HTR7: variants seen among roughly 807,000 people sequenced by gnomAD.
The protein encoded by HTR7 is 5-hydroxytryptamine receptor 7.
A neutral mutation model predicts 34.0 loss-of-function variants in HTR7; 16 were observed. The ratio of observed to expected loss-of-function variants is 0.47; its 90% CI spans 0.32 to 0.71. The LOEUF is 0.71. Among genes scored for constraint, HTR7 ranks in the 30% least tolerant of loss-of-function variants. The pLI, the probability that HTR7 is intolerant of heterozygous loss-of-function variation, is 0.04. For missense variants in HTR7, 504 were observed against 625.5 expected (o/e 0.81, Z 2.07); for synonymous variants, 265 against 260.2 (o/e 1.02, Z -0.18).
chr10:90,799,675 A>G (rs1230734200), intron 1 of HTR7, among the ~76,000 whole-genome samples: 1 of 152,114 alleles, frequency 6.6e-6, no homozygotes, highest in Non-Finnish European at 1.5e-5. Context: ...TTTAAATATA[A>G]TATTTCCAAA....
At chr10:90,830,678 C>G (rs888999953) in intron 1 of HTR7, among the ~76,000 whole-genome samples, 1 of 151,210 alleles carries the variant, frequency 6.6e-6, no homozygotes, top group Non-Finnish European at 1.5e-5. Context: ...GTCCCAGGTA[C>G]TTGGAGGGCT....
chr10:90,840,185 A>T (rs968760309), intron 1 of HTR7, among the ~76,000 whole-genome samples: 91 of 149,808 alleles, frequency 6.1e-4, no homozygotes, highest in African/African-American at 1.3e-3. Flanking sequence ...TCTCACACAC[A>T]CACACACACA....
intron 1 of HTR7, among the ~76,000 whole-genome samples, chr10:90,778,370 T>C (rs1481165687): frequency 1.3e-5 from 2 of 152,044 alleles, no homozygotes; most frequent in African/African-American, 2.4e-5. Flanking sequence ...GGTAGCTTTA[T>C]AAGAAAAGGA....
chr10:90,770,163 C>A (rs937428833), intron 1 of HTR7, among the ~76,000 whole-genome samples: 4 of 152,238 alleles, frequency 2.6e-5, no homozygotes, highest in African/African-American at 9.6e-5. Flanking sequence ...AGGGCACCTG[C>A]AGGGAGGGCA....
At chr10:90,802,487 C>T (rs1304280751) in intron 1 of HTR7, among the ~76,000 whole-genome samples, 1 of 152,102 alleles carries the variant, frequency 6.6e-6, no homozygotes, top group Admixed American at 6.5e-5. Flanking sequence ...TGGAAAATTA[C>T]CACCTGGGCT....
At chr10:90,808,778 C>A (rs1250261631) in intron 1 of HTR7, among the ~76,000 whole-genome samples, 1 of 152,154 alleles carries the variant, frequency 6.6e-6, no homozygotes, top group Non-Finnish European at 1.5e-5. Context: ...CAACTCACAT[C>A]TGACCTAAAA....
chr10:90,744,478 CCCTACTTGCAGATTCACTGAT>C (rs1157315044), intron 2 of HTR7, among the ~76,000 whole-genome samples: 4 of 150,352 alleles, frequency 2.7e-5, no homozygotes, highest in African/African-American at 4.9e-5. Context: ...GACTCCATTC[CCCTACTTGCAGATTCACTGAT>C]CCTACTTGCA....
At chr10:90,799,291 G>A (rs187467560) in intron 1 of HTR7, among the ~76,000 whole-genome samples, 9 of 152,200 alleles carry the variant, frequency 5.9e-5, no homozygotes, top group Middle Eastern at 3.4e-3. Context: ...TGCTCCAGGA[G>A]ACTGATTTGA....
chr10:90,833,469 A>G (rs1437295563), intron 1 of HTR7, among the ~76,000 whole-genome samples: 5 of 152,196 alleles, frequency 3.3e-5, no homozygotes, highest in Admixed American at 1.3e-4. Context: ...TTGTAAAAGG[A>G]GGGTAATAGA....
intron 1 of HTR7, among the ~76,000 whole-genome samples, chr10:90,805,500 A>C (rs985846957): frequency 2.6e-5 from 4 of 152,326 alleles, no homozygotes; most frequent in African/African-American, 9.6e-5. Context: ...TTAACATAAC[A>C]AACCTTGCTT....
chr10:90,843,821 C>T (rs893877061), intron 1 of HTR7, among the ~76,000 whole-genome samples: 7 of 152,184 alleles, frequency 4.6e-5, no homozygotes, highest in Non-Finnish European at 8.8e-5. Flanking sequence ...TGGTCCCAGT[C>T]TGTTTTTGTA....
intron 1 of HTR7, among the ~76,000 whole-genome samples, chr10:90,780,206 C>T (rs1243949161): frequency 1.3e-5 from 2 of 152,104 alleles, no homozygotes; most frequent in African/African-American, 4.8e-5. Context: ...CATAGCAAGA[C>T]CCTGTCTCTA....
intron 1 of HTR7, among the ~76,000 whole-genome samples, chr10:90,828,974 A>G (rs983257716): frequency 6.6e-6 from 1 of 152,184 alleles, no homozygotes; most frequent in Non-Finnish European, 1.5e-5. Context: ...AATATCCCTG[A>G]TGAATATTGA....
chr10:90,799,350 AAT>A (rs1845590263), intron 1 of HTR7, among the ~76,000 whole-genome samples: 1 of 73,508 alleles, frequency 1.4e-5, no homozygotes, highest in Admixed American at 1.1e-4. Flanking sequence ...TGAATGAATG[AAT>A]GAATGAATGA....
intron 1 of HTR7, among the ~76,000 whole-genome samples, chr10:90,847,657 A>T (rs1429934925): frequency 6.6e-6 from 1 of 152,224 alleles, no homozygotes; most frequent in Non-Finnish European, 1.5e-5. Flanking sequence ...GGCTTCAGCC[A>T]GATACCAATC....
intron 1 of HTR7, among the ~76,000 whole-genome samples, chr10:90,807,730 G>A (rs1013925173): frequency 2.6e-5 from 4 of 152,162 alleles, no homozygotes; most frequent in South Asian, 2.1e-4. Context: ...TCACACGGAC[G>A]CGCATGAAAT....
chr10:90,799,102 T>C (rs1426487646), intron 1 of HTR7, among the ~76,000 whole-genome samples: 1 of 152,114 alleles, frequency 6.6e-6, no homozygotes, highest in Non-Finnish European at 1.5e-5. Context: ...GCTGGCACCA[T>C]ATAGATTGAT....
At chr10:90,766,055 C>T (rs1845017754) in intron 1 of HTR7, among the ~76,000 whole-genome samples, 1 of 152,114 alleles carries the variant, frequency 6.6e-6, no homozygotes, top group Non-Finnish European at 1.5e-5. Context: ...CAGTTCTGCT[C>T]ATATCTGGGG....
At chr10:90,822,453 C>T (rs1254532728) in intron 1 of HTR7, among the ~76,000 whole-genome samples, 1 of 152,176 alleles carries the variant, frequency 6.6e-6, no homozygotes, top group Admixed American at 6.5e-5. Context: ...CAAGACATGG[C>T]CTGGCTGCTT....
Sources: allele counts gnomAD v4.1 joint callset (sites outside exome capture counted in the v4.1 genomes callset), GRCh38; gene constraint gnomAD v4.1.1; transcripts MANE v1.5; gene names NCBI Gene and HGNC (gene_info 2026-07-23, HGNC 2026-07-21).